CPAMD8: variants seen among roughly 807,000 people sequenced by gnomAD.
CPAMD8 encodes C3 and PZP like alpha-2-macroglobulin domain containing 8, also known as C3 and PZP-like alpha-2-macroglobulin domain-containing protein 8.
Under a neutral mutation model 224.7 loss-of-function variants are expected in CPAMD8, and 146 were observed. The ratio of observed to expected loss-of-function variants is 0.65; its 90% CI spans 0.57 to 0.75. CPAMD8 has a LOEUF of 0.75. Ranked by LOEUF, CPAMD8 falls within the 30% of genes least tolerant of loss-of-function variation. The pLI is 0.00. For missense variants in CPAMD8, 2,301 were observed against 2,537.5 expected (o/e 0.91, Z 2.00); for synonymous variants, 966 against 1,044.6 (o/e 0.92, Z 1.45).
In CPAMD8 at chr19:17,011,692, C is replaced by G. The variant is rs772015873; in HGVS notation, c.333G>C (p.Glu111Asp). Residue 111 changes from glutamate to aspartate, a missense_variant, in exon 4 of 42, where the codon GAG becomes GAC. Physicochemically the swap from Glu to Asp is conservative, Grantham distance 45 (BLOSUM62 2). This residue lies in a region of CPAMD8 where 283 missense variants were observed against 340.6 expected (regional missense o/e 0.83). Coordinates refer to ENST00000443236, the MANE Select transcript of CPAMD8 (RefSeq NM_015692.5). ...AGGTCTGGTTGTGAAAGAGGGGCCC[C>G]TCCTCCGCCTGCCAGCCGCGGCCCC... is the stretch of plus-strand genomic sequence containing the variant. Reference protein sequence around the residue: ...KVWGRGWQAEEGPLFHNQTSV... With the variant: ...KVWGRGWQAEDGPLFHNQTSV... The G allele has an allele frequency of 1.2e-6, 2 of 1,613,850 alleles. No individual in the cohort carries two copies.
chr19:16,893,144 C>G lies in CPAMD8; in HGVS notation c.5622G>C (p.Glu1874Asp). The G allele has an allele frequency of 6.4e-7, 1 of 1,562,718 alleles. No homozygotes were observed. Among genetic ancestry groups the G allele is most frequent in the Non-Finnish European group, 8.8e-7 (1 of 1,135,082 alleles). Residue 1874 changes from glutamate to aspartate, a missense_variant, in exon 42 of 42, where the codon GAG becomes GAC. Transcript: ENST00000443236. ...TGCAGGTGTTTGACATCCATAAACC[C>G]TCCTCCCCACCACTCTGAAAGGCTG... is the stretch of plus-strand genomic sequence containing the variant. ...YSPAFQSGGE[E>D]GLWMSNTCTL...
intron 10 of CPAMD8, among the ~76,000 whole-genome samples, chr19:16,999,087 A>G (rs1356492449): frequency 6.6e-6 from 1 of 152,246 alleles, no homozygotes; most frequent in Non-Finnish European, 1.5e-5. Context: ...ACAAAAGGAC[A>G]TATAGCATAT....
chr19:16,899,561 GC>G lies in CPAMD8; in HGVS notation c.4774-13del. The G allele has an allele frequency of 7.1e-7, 1 of 1,415,410 alleles. No individual in the cohort carries two copies. The highest frequency in any genetic ancestry group is 1.0e-6 in the Non-Finnish European group (1 of 999,112). The allele number at this position is 1,415,410 out of a possible 1,614,324, so 87.7% of individuals were successfully genotyped here. A position where few individuals can be genotyped will look rare whatever the true frequency, so the allele number is the denominator to read the frequency against. ...TTGTCAAGGAGCAGCTGCAGAGGAA[GC>G]CAGAAGTCAGGGTCCTCAGACTCTC... On this transcript the variant is annotated splice_polypyrimidine_tract_variant and intron_variant, in intron 36 of 41. Transcript: ENST00000443236. This position sits in a 1 kb window ranked among gnomAD's most constrained non-coding sequence, Gnocchi z 5.4.
chr19:16,902,341 C>T (rs1056398931), intron 35 of CPAMD8, among the ~76,000 whole-genome samples: 1 of 152,048 alleles, frequency 6.6e-6, no homozygotes, highest in Non-Finnish European at 1.5e-5. Flanking sequence ...ATGGTGAAAC[C>T]CTGTATCTAC....
At position 16,896,437 on chromosome 19, in the gene CPAMD8, C is replaced by CG; in HGVS notation, c.5275+18dup. The stretch of plus-strand genomic sequence containing the variant: ...CAGCGATGGTGTCCCCGAGGCTAGG[C>CG]GGGGGGTAGGGTCCTCACCGAGGGC... On this transcript the variant is annotated intron_variant, in intron 40 of 41. Transcript: ENST00000443236. 1 of 1,465,454 alleles carries CG rather than the reference C, an allele frequency of 6.8e-7. No homozygotes were observed. The highest frequency in any genetic ancestry group is 2.5e-5 in the Admixed American group (1 of 40,454). 90.8% of individuals were successfully genotyped at this position (1,465,454 alleles called of 1,614,324 possible).
rs1461534737 is a variant in CPAMD8 at position 16,903,833 on chromosome 19, A to G, written c.4276T>C (p.Leu1426=). The G allele has an allele frequency of 1.9e-6, 3 of 1,613,940 alleles. No homozygotes were observed. Among genetic ancestry groups the G allele is most frequent in the Middle Eastern group, 1.6e-4 (1 of 6,062 alleles). Residue 1426 remains leucine (L), a synonymous_variant, in exon 33 of 42, where the codon TTG becomes CTG. Transcript: ENST00000443236. ...TAGGACAAGATGGCATATTCAGCCA[A>G]GGCCTGCAGAGCCACGCAGGTGTCC... The part of the protein sequence containing the change: ...TQDTCVALQA[L]AEYAILSYAG...
intron 29 of CPAMD8, among the ~76,000 whole-genome samples, chr19:16,908,878 CA>C (rs1210510297): frequency 2.0e-5 from 3 of 152,130 alleles, no homozygotes; most frequent in Non-Finnish European, 4.4e-5. Context: ...ATCCCCATCC[CA>C]GGGGCAGGAA....
At chr19:16,979,729 C>A (rs202203717) in intron 14 of CPAMD8, among the ~76,000 whole-genome samples, 2 of 152,210 alleles carry the variant, frequency 1.3e-5, no homozygotes, top group East Asian at 3.9e-4. Context: ...TGCTCAATAT[C>A]CTACAGTGCC....
chr19:16,999,444 G>C (rs549596439), intron 10 of CPAMD8, among the ~76,000 whole-genome samples: 1 of 151,936 alleles, frequency 6.6e-6, no homozygotes, highest in African/African-American at 2.4e-5. Context: ...AATTAGCCGG[G>C]TGTTGTGGTG....
chr19:16,913,527 G>C (rs967336420), intron 29 of CPAMD8, among the ~76,000 whole-genome samples: 2 of 152,134 alleles, frequency 1.3e-5, no homozygotes, highest in Non-Finnish European at 2.9e-5. Context: ...AAATCTGCCT[G>C]TGCCTTGGTC....
chr19:16,985,450 AGATGGATGGATG>A (rs199636699), intron 13 of CPAMD8, among the ~76,000 whole-genome samples: 3 of 134,880 alleles, frequency 2.2e-5, no homozygotes, highest in Non-Finnish European at 3.2e-5. Context: ...GAGAGAGGGT[AGATGGATGGATG>A]GATGGATGGA....
chr19:16,959,176 C>CTTT (rs1303892809), intron 18 of CPAMD8, among the ~76,000 whole-genome samples: 1 of 131,766 alleles, frequency 7.6e-6, no homozygotes, highest in Non-Finnish European at 1.7e-5. Context: ...TTGCATTTCC[C>CTTT]TTTTTTTTTT....
At chr19:16,910,269 A>G (rs1443422750) in intron 29 of CPAMD8, among the ~76,000 whole-genome samples, 1 of 151,500 alleles carries the variant, frequency 6.6e-6, no homozygotes, top group East Asian at 1.9e-4. Context: ...TCCCAGGTTC[A>G]AGCGATTCTT....
At chr19:16,984,329 AAAGAG>A (rs1438508901) in intron 13 of CPAMD8, among the ~76,000 whole-genome samples, 1 of 141,550 alleles carries the variant, frequency 7.1e-6, no homozygotes, top group African/African-American at 3.0e-5. Context: ...AAAAAAAAAA[AAAGAG>A]AGAGAGAGAG....
intron 30 of CPAMD8, among the ~76,000 whole-genome samples, chr19:16,905,185 G>A (rs2052421253): frequency 6.6e-6 from 1 of 152,060 alleles, no homozygotes; most frequent in Non-Finnish European, 1.5e-5. Context: ...AGGTTGCAGT[G>A]AGCCAATACC....
chr19:16,918,882 T>A (rs2053063452), intron 27 of CPAMD8, among the ~76,000 whole-genome samples: 1 of 151,906 alleles, frequency 6.6e-6, no homozygotes, highest in Admixed American at 6.6e-5. Flanking sequence ...CAATGAACAT[T>A]TCCCTTGAGC....
At chr19:17,004,434 G>T in intron 7 of CPAMD8, 48 bp from the exon 8 acceptor site, 1 of 1,241,890 alleles carries the variant, frequency 8.1e-7, no homozygotes, top group Non-Finnish European at 1.2e-6. Flanking sequence ...CCACAGACAC[G>T]GTGAGGTACG....
intron 13 of CPAMD8, among the ~76,000 whole-genome samples, chr19:16,987,192 A>ATT (rs2055773443): frequency 8.0e-6 from 1 of 124,278 alleles, no homozygotes; most frequent in Non-Finnish European, 1.6e-5. Flanking sequence ...ATATATATAT[A>ATT]TATATATATA....
chr19:16,997,099 C>A lies in CPAMD8; in HGVS notation c.1095+12G>T, dbSNP rs747975060. The stretch of plus-strand genomic sequence containing the variant: ...CCTTGGGCGGGAGGCAGCACAGTCA[C>A]CCCCAAGTTACCTTCCCCACGTAGG... On this transcript the variant is annotated intron_variant, in intron 11 of 41. Coordinates refer to ENST00000443236, the MANE Select transcript of CPAMD8 (RefSeq NM_015692.5). The A allele has an allele frequency of 1.0e-4, 158 of 1,580,024 alleles. No homozygotes were observed. The highest frequency in any genetic ancestry group is 1.3e-4 in the Non-Finnish European group (148 of 1,149,228).
Sources: allele counts gnomAD v4.1 joint callset (sites outside exome capture counted in the v4.1 genomes callset), GRCh38; gene constraint gnomAD v4.1.1; regional missense constraint gnomAD v4.1.1; non-coding constraint Gnocchi (gnomAD v3.1); transcripts MANE v1.5; gene names NCBI Gene and HGNC (gene_info 2026-07-23, HGNC 2026-07-21).